Variants in EIF3H observed in about 807,000 individuals in gnomAD.
The protein encoded by EIF3H is eIF-3-gamma.
EIF3H carries 26 observed loss-of-function variants against 44.2 expected under a neutral mutation model. The observed-to-expected ratio is 0.59, with a 90% CI of 0.43 to 0.82. The LOEUF is 0.82. Among genes scored for constraint, EIF3H ranks in the 40% least tolerant of loss-of-function variants. The probability of loss-of-function intolerance (pLI) is 0.00; values close to 1 mark genes in which losing one functional copy is unlikely to be tolerated. For synonymous variants in EIF3H, 166 were observed against 151.9 expected (o/e 1.09, Z -0.68); for missense variants, 359 against 432.8 (o/e 0.83, Z 1.51).
chr8:116,713,468 G>A (rs1237119111), intron 2 of EIF3H, among the ~76,000 whole-genome samples: 1 of 152,080 alleles, frequency 6.6e-6, no homozygotes, highest in Non-Finnish European at 1.5e-5. Flanking sequence ...GAACTAAATT[G>A]TAAAACATGA....
chr8:116,719,426 A>G (rs1013936697), intron 2 of EIF3H, among the ~76,000 whole-genome samples: 2 of 152,180 alleles, frequency 1.3e-5, no homozygotes, highest in African/African-American at 4.8e-5. Context: ...GATGAAAAAG[A>G]AAGAGTGGAA....
chr8:116,649,578 T>C (rs752356545), intron 5 of EIF3H, among the ~76,000 whole-genome samples: 3 of 152,184 alleles, frequency 2.0e-5, no homozygotes, highest in Non-Finnish European at 4.4e-5. Flanking sequence ...CTGCAACTTA[T>C]CTCCTACCAT....
chr8:116,699,414 T>C (rs1365920838), intron 2 of EIF3H, among the ~76,000 whole-genome samples: 2 of 152,238 alleles, frequency 1.3e-5, no homozygotes, highest in African/African-American at 2.4e-5. Flanking sequence ...TGAACACTGA[T>C]GCATGCCATT....
In EIF3H at chr8:116,720,245, A is replaced by T. The variant is rs1026770810; in HGVS notation, c.289+5771T>A. Among the ~76,000 whole-genome samples the T allele has an allele frequency of 1.1e-4, 16 of 152,200 alleles. No homozygotes were observed. In the South Asian group the frequency reaches 1.2e-3, roughly 12 times the overall value. On this transcript the variant is annotated intron_variant, in intron 2 of 7. Transcript: ENST00000521861. ...TACAATTGTTTGATTTAAATTTAAA[A>T]TTTTTTTAAATTGAAATTTTAAAAA...
chr8:116,735,647 C>T (rs1815022041), intron 1 of EIF3H, among the ~76,000 whole-genome samples: 1 of 152,072 alleles, frequency 6.6e-6, no homozygotes, highest in Non-Finnish European at 1.5e-5. Context: ...AGAGAATAAG[C>T]CAAAACACCA....
At chr8:116,656,273 G>A (rs2130789964) in intron 4 of EIF3H, among the ~76,000 whole-genome samples, 1 of 152,174 alleles carries the variant, frequency 6.6e-6, no homozygotes, top group African/African-American at 2.4e-5. Context: ...TTGTTATCAG[G>A]TATCTTTAAA....
chr8:116,698,375 T>C (rs1814306290), intron 2 of EIF3H, among the ~76,000 whole-genome samples: 1 of 152,032 alleles, frequency 6.6e-6, no homozygotes, highest in African/African-American at 2.4e-5. Flanking sequence ...TGAATGAAAA[T>C]TACCCCTCTC....
chr8:116,671,931 C>A (rs559916104), intron 2 of EIF3H, among the ~76,000 whole-genome samples: 4 of 152,274 alleles, frequency 2.6e-5, no homozygotes, highest in South Asian at 4.1e-4. Context: ...TTTGGCTCTG[C>A]CATTACAAAT....
intron 2 of EIF3H, among the ~76,000 whole-genome samples, chr8:116,659,626 G>A (rs918884660): frequency 1.3e-5 from 2 of 152,038 alleles, no homozygotes; most frequent in Non-Finnish European, 2.9e-5. Flanking sequence ...GTTTTCCTTA[G>A]AATAAAGTTA....
intron 7 of EIF3H, 66 bp from the exon 8 acceptor site, chr8:116,645,169 G>C: frequency 2.4e-6 from 3 of 1,269,884 alleles, no homozygotes; most frequent in Non-Finnish European, 2.3e-6. Context: ...CAGAAAGCTA[G>C]TCAAACAGAA....
intron 1 of EIF3H, among the ~76,000 whole-genome samples, chr8:116,738,120 T>C (rs1054025533): frequency 6.6e-6 from 1 of 151,610 alleles, no homozygotes; most frequent in African/African-American, 2.4e-5. Flanking sequence ...GAATGGAGCA[T>C]GTGTTTGTTT....
chr8:116,741,405 G>C lies in EIF3H; in HGVS notation c.132+14261C>G, dbSNP rs185191272. ...ACAAAGTTTTACAACACGATGTTTTGAATCTGCATTAAAAAGAGTTCAATT... is the reference window on the plus strand; with the variant it reads ...ACAAAGTTTTACAACACGATGTTTTCAATCTGCATTAAAAAGAGTTCAATT... On this transcript the variant is annotated intron_variant, in intron 1 of 7. Coordinates refer to ENST00000521861, the MANE Select transcript of EIF3H (RefSeq NM_003756.3). Among the ~76,000 whole-genome samples, 15 of 152,190 alleles carry C rather than the reference G, an allele frequency of 9.9e-5. No individual in the cohort carries two copies. The East Asian group carries it at 2.9e-3, about 29-fold the overall frequency.
intron 1 of EIF3H, among the ~76,000 whole-genome samples, chr8:116,750,927 A>C (rs1193488350): frequency 1.3e-5 from 2 of 151,890 alleles, no homozygotes; most frequent in Admixed American, 1.3e-4. Flanking sequence ...TAATAAAAGT[A>C]TGAGGCCGGG....
chr8:116,684,963 A>G (rs1391790891), intron 2 of EIF3H, among the ~76,000 whole-genome samples: 1 of 152,206 alleles, frequency 6.6e-6, no homozygotes, highest in Non-Finnish European at 1.5e-5. Context: ...CTAATTTACT[A>G]TTTATTCGTA....
At chr8:116,677,072 T>C (rs375375192) in intron 2 of EIF3H, among the ~76,000 whole-genome samples, 6 of 152,214 alleles carry the variant, frequency 3.9e-5, no homozygotes, top group Non-Finnish European at 7.3e-5. Flanking sequence ...AAATTCCTGA[T>C]AGCAATCTAA....
rs941328931 is a variant in EIF3H, at chr8:116,671,405, T to C, written c.290-12425A>G. Among the ~76,000 whole-genome samples the C allele has an allele frequency of 9.2e-5, 14 of 152,308 alleles. No homozygotes were observed. In the East Asian group the frequency reaches 2.7e-3, roughly 29 times the overall value. ...GCATCTCAAACCAGGTAATATCATC[T>C]TAACAACAACAAAATCTTCCTTTTC... On this transcript the variant is annotated intron_variant, in intron 2 of 7. Transcript: ENST00000521861.
At chr8:116,660,386 T>C (rs1446755177) in intron 2 of EIF3H, among the ~76,000 whole-genome samples, 1 of 152,220 alleles carries the variant, frequency 6.6e-6, no homozygotes, top group Non-Finnish European at 1.5e-5. Flanking sequence ...TAAAAGAGTG[T>C]TCCTCAGATG....
chr8:116,696,585 T>C (rs952001346), intron 2 of EIF3H, among the ~76,000 whole-genome samples: 36 of 152,364 alleles, frequency 2.4e-4, no homozygotes, highest in East Asian at 1.5e-3. Context: ...ACTTCATGAC[T>C]GCATCAAGGA....
At chr8:116,705,851 T>C (rs1458690683) in intron 2 of EIF3H, among the ~76,000 whole-genome samples, 2 of 151,836 alleles carry the variant, frequency 1.3e-5, no homozygotes, top group African/African-American at 4.8e-5. Flanking sequence ...CTCAGTAATA[T>C]AAGATGGGAA....
Sources: gnomAD v4.1 joint callset for allele counts (sites outside exome capture counted in the v4.1 genomes callset) on GRCh38, gnomAD v4.1.1 for gene constraint, MANE v1.5 for transcripts, NCBI Gene and HGNC (gene_info 2026-07-23, HGNC 2026-07-21) for gene names.